The following GNAS variants were observed in gnomAD, a reference collection of about 807,000 sequenced individuals.
The protein encoded by GNAS is GNAS complex locus, also known as protein ALEX.
GNAS carries 8 observed loss-of-function variants against 54.5 expected under a neutral mutation model. That is an observed-to-expected ratio of 0.15 (90% CI 0.09 to 0.26). The LOEUF (loss-of-function observed/expected upper bound fraction) is 0.26. Ranked by LOEUF, GNAS falls within the 10% of genes least tolerant of loss-of-function variation. The probability of loss-of-function intolerance (pLI) is 1.00; values close to 1 mark genes in which losing one functional copy is unlikely to be tolerated. For synonymous variants in GNAS, 204 were observed against 191.4 expected, an observed-to-expected ratio of 1.07 and a Z score of -0.54; for missense variants, 170 against 529.8, an observed-to-expected ratio of 0.32 and a Z score of 6.67.
intron 1 of GNAS, among the ~76,000 whole-genome samples, chr20:58,851,764 C>A (rs997497648): frequency 6.6e-5 from 10 of 152,164 alleles, no homozygotes; most frequent in Non-Finnish European, 1.3e-4. Flanking sequence ...TGGGCTCTAG[C>A]AGTAGAAAAG....
rs779158940 is a variant in GNAS at position 58,903,705 on chromosome 20, C to G, written c.346C>G (p.Pro116Ala). The G allele has an allele frequency of 6.2e-7, 1 of 1,613,978 alleles. No individual in the cohort carries two copies. Among genetic ancestry groups the G allele is most frequent in the Non-Finnish European group, 8.5e-7 (1 of 1,179,910 alleles). Residue 116 changes from proline (P) to alanine (A), a missense_variant, in exon 5 of 13, where the codon CCC (proline) becomes GCC (alanine). Transcript: ENST00000371085. ...GGCCGCCATGAGCAACCTGGTGCCC[C>G]CCGTGGAGCTGGCCAACCCCGAGAA... is the stretch of plus-strand genomic sequence containing the variant. ...IVAAMSNLVP[P>A]VELANPENQF...
At position 58,856,069 on chromosome 20, in the gene GNAS, A is replaced by G; in HGVS notation, c.43+15183A>G. 1 of 182,372 alleles carries G rather than the reference A, an allele frequency of 5.5e-6. No individual in the cohort carries two copies. 11.3% of individuals were successfully genotyped at this position (182,372 alleles called of 1,614,324 possible). A position where few individuals can be genotyped will look rare whatever the true frequency, so the allele number is the denominator to read the frequency against. On this transcript the variant is annotated intron_variant, in intron 1 of 12. Coordinates refer to the GNAS transcript ENST00000306090. This position sits in a 1 kb window ranked among gnomAD's most constrained non-coding sequence, Gnocchi z 4.2. ...ATAAGCGGGGCCCTTGGCCTGGGGG[A>G]GCGGGGAATCGCTTTTCGCCGGCCT...
chr20:58,888,970 G>T, upstream of GNAS: 1 of 641,406 alleles, frequency 1.6e-6, no homozygotes, highest in Non-Finnish European at 1.9e-6. Flanking sequence ...CGCCATCGCG[G>T]CCCCCGCGCC....
chr20:58,890,209 A>C (rs1034867911), upstream of GNAS, among the ~76,000 whole-genome samples: 1 of 151,382 alleles, frequency 6.6e-6, no homozygotes, highest in African/African-American at 2.4e-5. Context: ...AAGAAGAAGA[A>C]GAAGAAGGTG....
rs941877629 is a variant in GNAS at position 58,863,974 on chromosome 20, G to A, written c.43+23088G>A. On this transcript the variant is annotated intron_variant, in intron 1 of 12. Transcript: ENST00000306090. This position sits in a 1 kb window ranked among gnomAD's most constrained non-coding sequence, Gnocchi z 4.1. ...GTAGGACAGTCCAGAACCCAAGAAG[G>A]GCCATGGACAGGACCCTTCCAAAGG... 2 of 152,416 alleles carry A rather than the reference G, an allele frequency of 1.3e-5. No individual in the cohort carries two copies. Among genetic ancestry groups the A allele is most frequent in the South Asian group, 4.2e-4 (2 of 4,816 alleles). The allele number at this position is 152,416 out of a possible 1,614,324, so 9.4% of individuals were successfully genotyped here. A position where few individuals can be genotyped will look rare whatever the true frequency, so the allele number is the denominator to read the frequency against.
upstream of GNAS, chr20:58,888,417 C>G (rs6026578): frequency 0.61 from 92,158 of 152,136 alleles, 28,252 homozygotes; most frequent in East Asian, 0.74. Flanking sequence ...GGGTCAACTG[C>G]TTGAAAATTT....
At chr20:58,892,470 G>A (rs552802325) in intron 1 of GNAS, 2 of 144,262 alleles carry the variant, frequency 1.4e-5, no homozygotes, top group Admixed American at 6.8e-5. Flanking sequence ...AGAGTGGGGG[G>A]GCTGGTGACA....
rs76198307 is a variant in GNAS, at chr20:58,892,161, C to G, written c.139+296C>G. The G allele has an allele frequency of 3.2e-6, 3 of 940,694 alleles. No individual in the cohort carries two copies. The East Asian group carries it at 3.6e-4, about 114-fold the overall frequency. The allele number at this position is 940,694 out of a possible 1,614,324, so 58.3% of individuals were successfully genotyped here. On this transcript the variant is annotated intron_variant, in intron 1 of 12. Transcript: ENST00000371085. ...TCTCGCTCTCGCTCTCCCCCTCTTT[C>G]TCTCTTTCTCTCTTTTTCCGCGAGG...
upstream of GNAS, chr20:58,840,622 C>T (rs953102685): frequency 1.2e-6 from 2 of 1,607,870 alleles, no homozygotes; most frequent in African/African-American, 1.3e-5. The surrounding 1 kb of genome is among the most constrained non-coding windows in gnomAD (Gnocchi z 6.0). Flanking sequence ...GAAGCCCCGA[C>T]GCCTCCCCAA....
At position 58,910,660 on chromosome 20, in the gene GNAS, A is replaced by G. The variant is rs1221031877; in HGVS notation, c.1039-23A>G. On this transcript the variant is annotated intron_variant, in intron 12 of 12. Transcript: ENST00000371085. This position sits in a 1 kb window ranked among gnomAD's most constrained non-coding sequence, Gnocchi z 5.8. Reference sequence around the variant, plus strand: ...GTTCCTGGCGAGGGTGTCACTGACAAGTCCCCTTGTTTGTGCCCGCAGAGG... The same window carrying G: ...GTTCCTGGCGAGGGTGTCACTGACAGGTCCCCTTGTTTGTGCCCGCAGAGG... The G allele has an allele frequency of 1.9e-6, 3 of 1,613,856 alleles. No individual in the cohort carries two copies. Among genetic ancestry groups the G allele is most frequent in the African/African-American group, 1.3e-5 (1 of 74,882 alleles).
chr20:58,854,005 C>T (rs1199251887), intron 1 of GNAS: 1 of 1,611,882 alleles, frequency 6.2e-7, no homozygotes, highest in Non-Finnish European at 8.5e-7. Flanking sequence ...CGAGTTATCG[C>T]ACAAGTCGAC....
chr20:58,886,218 T>C (rs1008040175), intron 1 of GNAS, among the ~76,000 whole-genome samples: 2 of 152,242 alleles, frequency 1.3e-5, no homozygotes, highest in African/African-American at 4.8e-5. Flanking sequence ...ACGTTGTTCA[T>C]TGTTGTCAAA....
At chr20:58,897,756 C>CAG (rs1400391569) in intron 2 of GNAS, 1 of 152,220 alleles carries the variant, frequency 6.6e-6, no homozygotes, top group African/African-American at 2.4e-5. Context: ...AGAGGGTTTA[C>CAG]AGGGGTATTC....
intron 3 of GNAS, among the ~76,000 whole-genome samples, chr20:58,902,183 C>T (rs964842181): frequency 6.6e-6 from 1 of 152,124 alleles, no homozygotes; most frequent in Admixed American, 6.5e-5. Flanking sequence ...CTTTTTTCCG[C>T]ATGACAACGC....
intron 1 of GNAS, among the ~76,000 whole-genome samples, chr20:58,852,481 C>T (rs189802429): frequency 2.6e-5 from 4 of 152,316 alleles, no homozygotes; most frequent in African/African-American, 9.6e-5. Flanking sequence ...CCTTGCGCTC[C>T]GGACTAGGGG....
rs1383722383 is a variant in GNAS, at chr20:58,863,529, T to C, written c.43+22643T>C. 6.6e-6 allele frequency: 1 copy of C among 152,102 alleles called. No individual in the cohort carries two copies. The highest frequency in any genetic ancestry group is 1.5e-5 in the Non-Finnish European group (1 of 68,028). The allele number at this position is 152,102 out of a possible 1,614,324, so 9.4% of individuals were successfully genotyped here. The stretch of plus-strand genomic sequence containing the variant: ...GTTTCCGACATTGTCACACACACAC[T>C]GTGTGTGGGACAGAGTAAGTACTTT... On this transcript the variant is annotated intron_variant, in intron 1 of 12. Transcript: ENST00000306090. This position sits in a 1 kb window ranked among gnomAD's most constrained non-coding sequence, Gnocchi z 4.1.
Position 58,891,864 on chromosome 20 carries a change from G to A in GNAS, c.138G>A (p.Leu46=), listed in dbSNP as rs760146185. The change falls in exon 1 of 13, where the codon CTG becomes CTA. Residue 46 remains leucine, a splice_region_variant and synonymous_variant. Coordinates refer to ENST00000371085, the MANE Select transcript of GNAS (RefSeq NM_000516.7). The stretch of plus-strand genomic sequence containing the variant: ...GGGCCACGCACCGCCTGCTGCTGCT[G>A]GGTAAGGGCGGGCGGGGGGCGCCGG... The part of the protein sequence containing the change: ...VYRATHRLLL[L]GAGESGKSTI... The A allele has an allele frequency of 3.3e-6, 4 of 1,206,642 alleles. No individual in the cohort carries two copies. The highest frequency in any genetic ancestry group is 4.3e-6 in the Non-Finnish European group (4 of 934,274). 74.7% of individuals were successfully genotyped at this position (1,206,642 alleles called of 1,614,324 possible).
chr20:58,901,891 G>T (rs1464379729), intron 3 of GNAS, among the ~76,000 whole-genome samples: 1 of 133,974 alleles, frequency 7.5e-6, no homozygotes, highest in Non-Finnish European at 1.5e-5. Flanking sequence ...TCGTCTGCTC[G>T]TCTGCTCTTG....
upstream of GNAS, among the ~76,000 whole-genome samples, chr20:58,890,314 G>A (rs1172803856): frequency 1.3e-5 from 2 of 148,154 alleles, no homozygotes; most frequent in Non-Finnish European, 3.0e-5. Context: ...GCCGTCGGGG[G>A]CGCCGAGGAG....
Sources: gnomAD v4.1 joint callset for allele counts (sites outside exome capture counted in the v4.1 genomes callset) on GRCh38, gnomAD v4.1.1 for gene constraint, Gnocchi (gnomAD v3.1) non-coding constraint, MANE v1.5 for transcripts, NCBI Gene and HGNC (gene_info 2026-07-23, HGNC 2026-07-21) for gene names.